RC3H1: variants seen among roughly 807,000 people sequenced by gnomAD.
The protein encoded by RC3H1 is roquin-1.
Under a neutral mutation model 138.2 loss-of-function variants are expected in RC3H1, and 50 were observed. The ratio of observed to expected loss-of-function variants is 0.36; its 90% CI spans 0.29 to 0.46. The LOEUF (loss-of-function observed/expected upper bound fraction) is 0.46. RC3H1 is among the 20% of genes least tolerant of loss of function. The pLI is 1.00. For synonymous variants in RC3H1, 462 were observed against 489.1 expected (o/e 0.94, Z 0.73); for missense variants, 1,031 against 1,388.1 (o/e 0.74, Z 4.09).
chr1:173,971,984 T>C (rs1660377935), intron 8 of RC3H1, among the ~76,000 whole-genome samples: 1 of 152,166 alleles, frequency 6.6e-6, no homozygotes, highest in Non-Finnish European at 1.5e-5. Context: ...TAAGAAGTTA[T>C]TATATTCTAC....
At chr1:173,971,411 C>T (rs1433509901) in intron 8 of RC3H1, among the ~76,000 whole-genome samples, 1 of 152,132 alleles carries the variant, frequency 6.6e-6, no homozygotes, top group African/African-American at 2.4e-5. Flanking sequence ...ACAAAAGGCC[C>T]TATAATCAAA....
intron 1 of RC3H1, among the ~76,000 whole-genome samples, chr1:174,018,165 T>C (rs1377919978): frequency 4.6e-5 from 7 of 152,138 alleles, no homozygotes; most frequent in African/African-American, 1.4e-4. Flanking sequence ...TGACAGACCA[T>C]GAGTGACTCT....
rs1659893842 is a variant in RC3H1 at position 173,961,837 on chromosome 1, G to A, written c.2090C>T (p.Pro697Leu). Residue 697 changes from proline to leucine, a missense_variant, in exon 12 of 20, where the codon CCA (proline) becomes CTA (leucine). By Grantham distance (98) the Pro-to-Leu change is moderately conservative. This residue lies in a region of RC3H1 where 716 missense variants were observed against 837.9 expected (regional missense o/e 0.85). Transcript: ENST00000367696. ...TACATACGATGGTACTGCTGCAGGT[G>A]GAATCTCAATGGGTATAGGGCTTTC... ...FRESPIPIEI[P>L]PAAVPSYVPE... 1 of 1,613,896 alleles carries A rather than the reference G, an allele frequency of 6.2e-7. No homozygotes were observed. The highest frequency in any genetic ancestry group is 8.5e-7 in the Non-Finnish European group (1 of 1,180,020).
In RC3H1 at chr1:173,962,059, C is replaced by A. The variant is rs766843465; in HGVS notation, c.1868G>T (p.Arg623Leu). Reference sequence around the variant, plus strand: ...AGCAGATGGTGGAGGTCGGACAAAGCGGGACACACATTGTGGTGGTGGAGT... The same window carrying A: ...AGCAGATGGTGGAGGTCGGACAAAGAGGGACACACATTGTGGTGGTGGAGT... The part of the protein sequence containing the change: ...YYTPPPQCVS[R>L]FVRPPPSAPE... The change falls in exon 12 of 20, where the codon CGC (arginine) becomes CTC (leucine). Residue 623 changes from arginine to leucine, a missense_variant. Physicochemically the swap from Arg to Leu is moderately radical, Grantham distance 102. Transcript: ENST00000367696. 6.2e-7 allele frequency: 1 copy of A among 1,613,678 alleles called. No individual in the cohort carries two copies. Among genetic ancestry groups the A allele is most frequent in the East Asian group, 2.2e-5 (1 of 44,868 alleles).
chr1:173,968,539 GTGA>G (rs1660217124), intron 9 of RC3H1, among the ~76,000 whole-genome samples: 1 of 152,042 alleles, frequency 6.6e-6, no homozygotes, highest in African/African-American at 2.4e-5. Flanking sequence ...ATTCATGTTT[GTGA>G]TTTTTAAAAT....
intron 1 of RC3H1, among the ~76,000 whole-genome samples, chr1:174,009,648 G>A (rs575161856): frequency 4.7e-4 from 71 of 152,206 alleles, no homozygotes; most frequent in African/African-American, 1.5e-3. Flanking sequence ...AGACCAGCCC[G>A]GCCAACATGG....
At position 173,946,771 on chromosome 1, in the gene RC3H1, G is replaced by T; in HGVS notation, c.2803C>A (p.Pro935Thr). ...ASPYSPHQNI[P>T]SQGHFSERER... Reference sequence around the variant, plus strand: ...CTCTCACTGAAGTGTCCCTGAGAAGGTATGTTTTGATGAGGTGAATATGGA... The same window carrying T: ...CTCTCACTGAAGTGTCCCTGAGAAGTTATGTTTTGATGAGGTGAATATGGA... The change falls in exon 16 of 20, where the codon CCT (proline) becomes ACT (threonine). Residue 935 changes from proline (P) to threonine (T), a missense_variant. Coordinates refer to ENST00000367696, the MANE Select transcript of RC3H1 (RefSeq NM_172071.4). 2 of 1,613,730 alleles carry T rather than the reference G, an allele frequency of 1.2e-6. No individual in the cohort carries two copies. Among genetic ancestry groups the T allele is most frequent in the Non-Finnish European group, 1.7e-6 (2 of 1,179,662 alleles).
rs540236968 is a variant in RC3H1 at position 173,980,954 on chromosome 1, G to C, written c.824C>G (p.Thr275Ser). ...SLMQLKEEFR[T>S]YEALRREHDS... The stretch of plus-strand genomic sequence containing the variant: ...ATGTTCTCGCCGCAGAGCTTCATAG[G>C]TTCTAAATTCTTCTTTCAGCTGCAT... The change falls in exon 6 of 20, where the codon ACC becomes AGC. Residue 275 changes from threonine (T) to serine (S), a missense_variant. This residue lies in a region of RC3H1 where 142 missense variants were observed against 224.6 expected (regional missense o/e 0.63). Coordinates refer to ENST00000367696, the MANE Select transcript of RC3H1 (RefSeq NM_172071.4). 3 of 1,613,910 alleles carry C rather than the reference G, an allele frequency of 1.9e-6. No homozygotes were observed. Among genetic ancestry groups the C allele is most frequent in the South Asian group, 1.1e-5 (1 of 91,070 alleles).
intron 14 of RC3H1, among the ~76,000 whole-genome samples, chr1:173,949,421 T>G (rs1176048351): frequency 1.3e-5 from 2 of 151,306 alleles, no homozygotes; most frequent in Non-Finnish European, 2.9e-5. Flanking sequence ...TAGGCTGGAG[T>G]GCAGTGGCGC....
At chr1:174,008,297 TTTG>T (rs1661687577) in intron 1 of RC3H1, among the ~76,000 whole-genome samples, 1 of 152,246 alleles carries the variant, frequency 6.6e-6, no homozygotes, top group South Asian at 2.1e-4. Flanking sequence ...ATTTCATTAC[TTTG>T]TTTTGTTTTG....
intron 2 of RC3H1, among the ~76,000 whole-genome samples, chr1:173,987,283 G>A (rs1027925777): frequency 1.3e-5 from 2 of 152,226 alleles, no homozygotes; most frequent in South Asian, 2.1e-4. Flanking sequence ...AATTCTGCAC[G>A]GGAGATTTGT....
At chr1:173,997,117 T>C (rs769784798) in intron 1 of RC3H1, among the ~76,000 whole-genome samples, 3 of 151,954 alleles carry the variant, frequency 2.0e-5, no homozygotes, top group Non-Finnish European at 2.9e-5. Flanking sequence ...CCCAGCTATA[T>C]GGGAGGCTGA....
intron 13 of RC3H1, among the ~76,000 whole-genome samples, chr1:173,953,332 G>T (rs1311742083): frequency 6.6e-6 from 1 of 152,062 alleles, no homozygotes; most frequent in Non-Finnish European, 1.5e-5. Context: ...AAGTGCAGTG[G>T]CATGATCTCT....
chr1:173,982,831 A>G lies in RC3H1; in HGVS notation c.664T>C (p.Leu222=). Residue 222 remains leucine, a synonymous_variant, in exon 5 of 20, where the codon TTG becomes CTG. Coordinates refer to ENST00000367696, the MANE Select transcript of RC3H1 (RefSeq NM_172071.4). The part of the protein sequence containing the change: ...EDGSALSRKV[L]VLFVVQRLEP... ...AATCTTTGCACCACAAACAGAACCA[A>G]TACTTTTCTTGACAAAGCAGAACCA... 2 of 1,613,980 alleles carry G rather than the reference A, an allele frequency of 1.2e-6. No homozygotes were observed. Among genetic ancestry groups the G allele is most frequent in the Non-Finnish European group, 1.7e-6 (2 of 1,179,938 alleles).
At chr1:174,004,723 CAGG>C (rs2103076183) in intron 1 of RC3H1, among the ~76,000 whole-genome samples, 1 of 151,426 alleles carries the variant, frequency 6.6e-6, no homozygotes, top group South Asian at 2.1e-4. Context: ...GAGGCTGAGG[CAGG>C]AGAATTGCTT....
intron 1 of RC3H1, among the ~76,000 whole-genome samples, chr1:174,004,598 G>A (rs1661619428): frequency 6.6e-6 from 1 of 151,728 alleles, no homozygotes; most frequent in Non-Finnish European, 1.5e-5. Context: ...CTGAGGTCAG[G>A]GGTTCGAGAC....
At chr1:173,990,574 A>AT (rs1215049942) in intron 2 of RC3H1, among the ~76,000 whole-genome samples, 3,649 of 140,390 alleles carry the variant, frequency 0.026, 173 homozygotes, top group African/African-American at 0.091. Flanking sequence ...TATTATTATT[A>AT]TTTATTTTTT....
intron 14 of RC3H1, among the ~76,000 whole-genome samples, chr1:173,948,106 C>T (rs1361334352): frequency 6.6e-6 from 1 of 151,950 alleles, no homozygotes; most frequent in Non-Finnish European, 1.5e-5. Context: ...CGCACTAAGC[C>T]CCAAGACACC....
intron 7 of RC3H1, among the ~76,000 whole-genome samples, chr1:173,973,484 C>T (rs572166451): frequency 3.4e-5 from 5 of 148,344 alleles, no homozygotes; most frequent in South Asian, 2.1e-4. Flanking sequence ...TGCAGTGAGC[C>T]GAGATTGCAC....
Sources: allele counts gnomAD v4.1 joint callset (sites outside exome capture counted in the v4.1 genomes callset), GRCh38; gene constraint gnomAD v4.1.1; regional missense constraint gnomAD v4.1.1; transcripts MANE v1.5; gene names NCBI Gene and HGNC (gene_info 2026-07-23, HGNC 2026-07-21).